NEO1: variants seen among roughly 807,000 people sequenced by gnomAD.
NEO1 encodes neogenin 1, also known as neogenin.
NEO1 carries 63 observed loss-of-function variants against 159.7 expected under a neutral mutation model. That is an observed-to-expected ratio of 0.39 (90% CI 0.32 to 0.49). The LOEUF is 0.49. NEO1 is among the 20% of genes least tolerant of loss of function. The pLI, the probability that NEO1 is intolerant of heterozygous loss-of-function variation, is 0.85. For missense variants in NEO1, 1,615 were observed against 1,831.0 expected (o/e 0.88, Z 2.15); for synonymous variants, 633 against 662.0 (o/e 0.96, Z 0.67).
chr15:73,143,310 T>G (rs2032581676), intron 5 of NEO1: 2 of 155,728 alleles, frequency 1.3e-5, no homozygotes, highest in African/African-American at 4.8e-5. Context: ...GAAAGCATAG[T>G]CTAGAGATAC....
At chr15:73,288,702 A>T (rs535575523) in intron 24 of NEO1, 151 bp downstream of exon 24, 3 of 678,828 alleles carry the variant, frequency 4.4e-6, no homozygotes, top group African/African-American at 1.8e-5. Flanking sequence ...GGAACATATG[A>T]TGAAGAATAC....
chr15:73,113,294 T>C (rs2071107825), intron 1 of NEO1, among the ~76,000 whole-genome samples: 1 of 152,260 alleles, frequency 6.6e-6, no homozygotes, highest in African/African-American at 2.4e-5. Flanking sequence ...ATTATTAGAA[T>C]GGAACCTGCA....
At chr15:73,144,521 G>A (rs755796060) in intron 5 of NEO1, among the ~76,000 whole-genome samples, 1 of 151,990 alleles carries the variant, frequency 6.6e-6, no homozygotes, top group Non-Finnish European at 1.5e-5. Flanking sequence ...TTCTTTGCCC[G>A]TTCCTTTTGT....
chr15:73,220,339 TTCTC>T (rs1252237211), intron 7 of NEO1, among the ~76,000 whole-genome samples: 3 of 152,328 alleles, frequency 2.0e-5, no homozygotes, highest in African/African-American at 7.2e-5. Context: ...AACCTGACCT[TTCTC>T]TCTGGCTGCC....
At chr15:73,164,050 CAG>C (rs2034388516) in intron 5 of NEO1, among the ~76,000 whole-genome samples, 2 of 146,372 alleles carry the variant, frequency 1.4e-5, no homozygotes, top group Admixed American at 1.4e-4. Flanking sequence ...TTTTTTGAGA[CAG>C]AGTCTCACTC....
chr15:73,210,491 A>G (rs2152085879), intron 7 of NEO1, among the ~76,000 whole-genome samples: 1 of 152,356 alleles, frequency 6.6e-6, no homozygotes, highest in South Asian at 2.1e-4. Context: ...ATTCAAAGCC[A>G]CTGATAAGAG....
At chr15:73,265,095 G>A (rs531060115) in intron 15 of NEO1, among the ~76,000 whole-genome samples, 72 of 152,278 alleles carry the variant, frequency 4.7e-4, no homozygotes, top group Admixed American at 7.2e-4. Context: ...AAGGCCCTGT[G>A]TTGGAGAGAA....
chr15:73,236,008 G>T (rs1020581067), intron 7 of NEO1, among the ~76,000 whole-genome samples: 1 of 152,162 alleles, frequency 6.6e-6, no homozygotes, highest in African/African-American at 2.4e-5. Flanking sequence ...TTTATTCTCA[G>T]CTGTCACCCT....
At chr15:73,213,420 C>G (rs2037694424) in intron 7 of NEO1, among the ~76,000 whole-genome samples, 1 of 152,148 alleles carries the variant, frequency 6.6e-6, no homozygotes. Flanking sequence ...TCCCTCGCCT[C>G]CCTCCCACCA....
chr15:73,269,989 TTTAAA>T lies in NEO1; in HGVS notation c.2495-17_2495-13del. The T allele has an allele frequency of 6.3e-7, 1 of 1,589,444 alleles. No individual in the cohort carries two copies. Among genetic ancestry groups the T allele is most frequent in the East Asian group, 2.2e-5 (1 of 44,668 alleles). On this transcript the variant is annotated splice_polypyrimidine_tract_variant and intron_variant, in intron 16 of 28. Coordinates refer to ENST00000261908, the MANE Select transcript of NEO1 (RefSeq NM_002499.4). ...TTTACATTAAAATGCCACTTCCCTT[TTTAAA>T]TTATTTTCTGCTCAGACACTTCTGA...
chr15:73,210,966 T>C (rs984124299), intron 7 of NEO1, among the ~76,000 whole-genome samples: 12 of 152,240 alleles, frequency 7.9e-5, no homozygotes, highest in African/African-American at 2.7e-4. Context: ...TATAGTAATA[T>C]TACTTTCTAC....
At chr15:73,270,285 AT>A (rs1253473294) in intron 17 of NEO1, 30 bp from the exon 18 acceptor site, 1 of 1,613,808 alleles carries the variant, frequency 6.2e-7, no homozygotes, top group African/African-American at 1.3e-5. Flanking sequence ...ATACTTTCTA[AT>A]TTTAAAGTCT....
intron 12 of NEO1, among the ~76,000 whole-genome samples, chr15:73,253,660 G>T (rs1261670627): frequency 1.3e-5 from 2 of 152,156 alleles, no homozygotes; most frequent in East Asian, 3.8e-4. Flanking sequence ...TATTACACTT[G>T]CATTAAAGCT....
At chr15:73,123,768 A>G (rs2071810192) in intron 3 of NEO1, among the ~76,000 whole-genome samples, 1 of 151,852 alleles carries the variant, frequency 6.6e-6, no homozygotes, top group Admixed American at 6.6e-5. Flanking sequence ...CCCCCTCCAT[A>G]TTTCTCATCT....
chr15:73,302,483 C>T, intron 28 of NEO1, 130 bp from the exon 29 acceptor site: 3 of 735,104 alleles, frequency 4.1e-6, no homozygotes, highest in Non-Finnish European at 6.9e-6. Context: ...CTGAGCCACC[C>T]TGCGTGTTAG....
At chr15:73,222,394 G>A (rs577694394) in intron 7 of NEO1, among the ~76,000 whole-genome samples, 7 of 151,942 alleles carry the variant, frequency 4.6e-5, no homozygotes, top group South Asian at 2.1e-4. Context: ...GTGAGCCACC[G>A]TGCCTGGCGG....
intron 28 of NEO1, among the ~76,000 whole-genome samples, chr15:73,301,937 G>A (rs2151194906): frequency 6.6e-6 from 1 of 152,284 alleles, no homozygotes; most frequent in East Asian, 1.9e-4. Flanking sequence ...CCAAAGTGCT[G>A]GGATAACAGG....
intron 1 of NEO1, among the ~76,000 whole-genome samples, chr15:73,072,003 T>G (rs2068557914): frequency 6.6e-6 from 1 of 152,136 alleles, no homozygotes; most frequent in Non-Finnish European, 1.5e-5. Flanking sequence ...CAGGCTGAAG[T>G]GCAATGGGCC....
intron 4 of NEO1, among the ~76,000 whole-genome samples, chr15:73,127,809 C>A (rs758686888): frequency 1.3e-4 from 20 of 152,134 alleles, no homozygotes; most frequent in Non-Finnish European, 2.5e-4. Flanking sequence ...TTTAACACAG[C>A]TTTAGCTTGT....
Sources: gnomAD v4.1 joint callset for allele counts (sites outside exome capture counted in the v4.1 genomes callset) on GRCh38, gnomAD v4.1.1 for gene constraint, MANE v1.5 for transcripts, NCBI Gene and HGNC (gene_info 2026-07-23, HGNC 2026-07-21) for gene names.